The following BCL9L variants were observed in gnomAD, a reference collection of about 807,000 sequenced individuals.
The protein encoded by BCL9L is BCL9 like, also known as B-cell CLL/lymphoma 9-like protein.
Under a neutral mutation model 99.4 loss-of-function variants are expected in BCL9L, and 19 were observed. The ratio of observed to expected loss-of-function variants is 0.19; its 90% CI spans 0.13 to 0.28. The LOEUF (loss-of-function observed/expected upper bound fraction) is 0.28. BCL9L is among the 10% of genes least tolerant of loss of function. BCL9L has a pLI of 1.00. For missense variants in BCL9L, 2,023 were observed against 2,101.6 expected, an observed-to-expected ratio of 0.96 and a Z score of 0.73; for synonymous variants, 900 against 854.8, an observed-to-expected ratio of 1.05 and a Z score of -0.92.
rs1439972133 is a variant in BCL9L, at chr11:118,921,938, A to G, written c.-130-3059T>C. On this transcript the variant is annotated intron_variant, in intron 1 of 9. Transcript: ENST00000683865. This position sits in a 1 kb window ranked among gnomAD's most constrained non-coding sequence, Gnocchi z 5.4. Reference sequence around the variant, plus strand: ...CCTGCAGGAGTCAGGGGTCTTCCACAGGTTCCAGGACCCCCCACACTCAGA... The same window carrying G: ...CCTGCAGGAGTCAGGGGTCTTCCACGGGTTCCAGGACCCCCCACACTCAGA... 1.3e-5 allele frequency among the ~76,000 whole-genome samples: 2 copies of G among 152,148 alleles called. No homozygotes were observed. Among genetic ancestry groups the G allele is most frequent in the Non-Finnish European group, 2.9e-5 (2 of 68,008 alleles).
rs1042771224 is a variant in BCL9L at position 118,907,369 on chromosome 11, G to A, written c.532+114C>T. On this transcript the variant is annotated intron_variant, in intron 5 of 9. Transcript: ENST00000683865. Reference sequence around the variant, plus strand: ...GGGACAGAGTCTGAGAGGTAGGATGGGAGAGAAAAATCCAGGACTCCCAGT... The same window carrying A: ...GGGACAGAGTCTGAGAGGTAGGATGAGAGAGAAAAATCCAGGACTCCCAGT... 5.8e-6 allele frequency: 9 copies of A among 1,543,278 alleles called. No homozygotes were observed. The East Asian group carries it at 6.8e-5, about 12-fold the overall frequency.
rs1263624191 is a variant in BCL9L at position 118,902,655 on chromosome 11, T to C, written c.1088A>G (p.Asn363Ser). 4.4e-6 allele frequency: 7 copies of C among 1,596,736 alleles called. No individual in the cohort carries two copies. Among genetic ancestry groups the C allele is most frequent in the Non-Finnish European group, 5.9e-6 (7 of 1,179,036 alleles). ...PNTPTATTAN[N>S]PLPPGGDPSS... ...GGGGTCTCCTCCAGGAGGCAGAGGG[T>C]TGTTGGCGGTGGTAGCCGTCGGGGT... Residue 363 changes from asparagine (N) to serine (S), a missense_variant, in exon 8 of 10, where the codon AAC (asparagine) becomes AGC (serine). Around this residue, in one of 3 missense-constraint regions of BCL9L, gnomAD observed 1,116 missense variants for 1,194.6 expected, o/e 0.93. Transcript: ENST00000683865. The surrounding 1 kb of genome is among the most constrained non-coding windows in gnomAD (Gnocchi z 7.8).
intron 2 of BCL9L, among the ~76,000 whole-genome samples, chr11:118,912,135 C>T (rs570741572): frequency 7.9e-5 from 12 of 152,292 alleles, no homozygotes; most frequent in African/African-American, 2.6e-4. Context: ...CCCCAGCTCC[C>T]GAAGACCCCT....
rs1316355284 is a variant in BCL9L at position 118,914,991 on chromosome 11, C to G, written c.-77+3835G>C. 6.6e-6 allele frequency among the ~76,000 whole-genome samples: 1 copy of G among 152,162 alleles called. No individual in the cohort carries two copies. The highest frequency in any genetic ancestry group is 1.5e-5 in the Non-Finnish European group (1 of 68,030). Reference sequence around the variant, plus strand: ...TCTCTACTACAAACACAAAAATTATCCAGACATGGTGGTGGGCGCCTGTAA... The same window carrying G: ...TCTCTACTACAAACACAAAAATTATGCAGACATGGTGGTGGGCGCCTGTAA... On this transcript the variant is annotated intron_variant, in intron 2 of 9. Coordinates refer to ENST00000683865, the MANE Select transcript of BCL9L (RefSeq NM_001378213.1). The surrounding 1 kb of genome is among the most constrained non-coding windows in gnomAD (Gnocchi z 4.4).
chr11:118,899,192 G>C lies in BCL9L; in HGVS notation c.3723C>G (p.Pro1241=). Residue 1241 remains proline, a synonymous_variant, in exon 10 of 10, where the codon CCC becomes CCG. Coordinates refer to ENST00000683865, the MANE Select transcript of BCL9L (RefSeq NM_001378213.1). ...RLQQPHGAMA[P]TGGGGGGPGL... is the part of the protein sequence containing the mutation. ...CAGGCCCCCCGCCCCCACCCCCAGTGGGGGCCATGGCACCATGGGGCTGCT... is the reference window on the plus strand; with the variant it reads ...CAGGCCCCCCGCCCCCACCCCCAGTCGGGGCCATGGCACCATGGGGCTGCT... 6.7e-7 allele frequency: 1 copy of C among 1,493,680 alleles called. No individual in the cohort carries two copies. The highest frequency in any genetic ancestry group is 8.9e-7 in the Non-Finnish European group (1 of 1,120,724). 92.5% of individuals were successfully genotyped at this position (1,493,680 alleles called of 1,614,324 possible).
chr11:118,900,876 T>C lies in BCL9L; in HGVS notation c.2867A>G (p.Gln956Arg). ...TSPSANLKSP[Q>R]TPSQMVPLPS... ...CAAGGGCACCATCTGTGAGGGAGTCTGGGGTGACTTGAGGTTGGCAGAGGG... is the reference window on the plus strand; with the variant it reads ...CAAGGGCACCATCTGTGAGGGAGTCCGGGGTGACTTGAGGTTGGCAGAGGG... Residue 956 changes from glutamine (Q) to arginine (R), a missense_variant, in exon 8 of 10, where the codon CAG becomes CGG. Transcript: ENST00000683865. This position sits in a 1 kb window ranked among gnomAD's most constrained non-coding sequence, Gnocchi z 5.3. 1.9e-6 allele frequency: 3 copies of C among 1,604,992 alleles called. No homozygotes were observed. The highest frequency in any genetic ancestry group is 1.3e-5 in the African/African-American group (1 of 74,854).
Position 118,902,946 on chromosome 11 carries a change from G to A in BCL9L, c.835-38C>T, listed in dbSNP as rs951675315. 1.3e-6 allele frequency: 2 copies of A among 1,595,216 alleles called. No individual in the cohort carries two copies. The highest frequency in any genetic ancestry group is 2.2e-5 in the South Asian group (2 of 89,940). On this transcript the variant is annotated intron_variant, in intron 7 of 9. Coordinates refer to ENST00000683865, the MANE Select transcript of BCL9L (RefSeq NM_001378213.1). The surrounding 1 kb of genome is among the most constrained non-coding windows in gnomAD (Gnocchi z 7.8). ...AAAGAGAGCATGAGACAGGTAAGGG[G>A]ACGTTCCACCCAGTCCTGCTGCTCA...
rs75242467 is a variant in BCL9L at position 118,924,601 on chromosome 11, C to A, written c.-131+637G>T. On this transcript the variant is annotated intron_variant, in intron 1 of 9. Coordinates refer to ENST00000683865, the MANE Select transcript of BCL9L (RefSeq NM_001378213.1). ...CGCAACAAGAAGCCTAAGCTCACTT[C>A]TCTTCCTACATTCTTCCCCGAGGGT... 5.9e-3 allele frequency among the ~76,000 whole-genome samples: 893 copies of A among 152,322 alleles called. 8 individuals are homozygous for A. Among genetic ancestry groups the A allele is most frequent in the African/African-American group, 0.02 (825 of 41,574 alleles).
rs779204239 is a variant in BCL9L at position 118,902,090 on chromosome 11, G to A, written c.1653C>T (p.Gly551=). Residue 551 remains glycine, a synonymous_variant, in exon 8 of 10, where the codon GGC becomes GGT. Transcript: ENST00000683865. This position sits in a 1 kb window ranked among gnomAD's most constrained non-coding sequence, Gnocchi z 7.8. ...HGSRPLQDMM[G]MGGMMVRGPP... ...GCCCCCTCACCATCATGCCCCCCAT[G>A]CCCATCATGTCCTGCAGAGGACGGC... 1 of 1,613,932 alleles carries A rather than the reference G, an allele frequency of 6.2e-7. No individual in the cohort carries two copies. The highest frequency in any genetic ancestry group is 8.5e-7 in the Non-Finnish European group (1 of 1,180,002).
At chr11:118,906,245 T>G (rs1409535011) in intron 5 of BCL9L, among the ~76,000 whole-genome samples, 1 of 152,200 alleles carries the variant, frequency 6.6e-6, no homozygotes, top group Non-Finnish European at 1.5e-5. Flanking sequence ...TGCAGTCTGA[T>G]GTGACATAAG....
chr11:118,920,353 G>A (rs1941103027), intron 1 of BCL9L, among the ~76,000 whole-genome samples: 1 of 152,150 alleles, frequency 6.6e-6, no homozygotes, highest in Non-Finnish European at 1.5e-5. Flanking sequence ...GAGGGAATGA[G>A]ATTAAACATC....
chr11:118,907,646 C>T, intron 4 of BCL9L, 44 bp from the exon 5 acceptor site: 3 of 1,602,322 alleles, frequency 1.9e-6, no homozygotes, highest in Non-Finnish European at 2.5e-6. Flanking sequence ...CTAGAGGCCC[C>T]ATTATTCTCC....
At position 118,896,294 on chromosome 11, in the gene BCL9L, T is replaced by G. The variant is rs559739639; in HGVS notation, c.*2121A>C. On this transcript the variant is annotated 3_prime_UTR_variant, in exon 10 of 10. Coordinates refer to ENST00000683865, the MANE Select transcript of BCL9L (RefSeq NM_001378213.1). ...GTATTTATATATTTATATTTATATA[T>G]ATATTTATATAATGGTACAAAATGG... 6.2e-6 allele frequency: 1 copy of G among 161,394 alleles called. No individual in the cohort carries two copies. Among genetic ancestry groups the G allele is most frequent in the African/African-American group, 2.4e-5 (1 of 41,188 alleles). The allele number at this position is 161,394 out of a possible 1,614,324, so 10.0% of individuals were successfully genotyped here.
In BCL9L at chr11:118,914,274, T is replaced by C. The variant is rs1024579615; in HGVS notation, c.-76-4259A>G. ...GGGGGGTAGGGGTGGCCGAGGAACC[T>C]CCTCCAAACTGCCTGGCTGCTGGGA... On this transcript the variant is annotated intron_variant, in intron 2 of 9. Coordinates refer to ENST00000683865, the MANE Select transcript of BCL9L (RefSeq NM_001378213.1). This position sits in a 1 kb window ranked among gnomAD's most constrained non-coding sequence, Gnocchi z 4.4. Among the ~76,000 whole-genome samples, 1 of 152,070 alleles carries C rather than the reference T, an allele frequency of 6.6e-6. No individual in the cohort carries two copies. Among genetic ancestry groups the C allele is most frequent in the Admixed American group, 6.5e-5 (1 of 15,278 alleles).
rs1940171938 is a variant in BCL9L, at chr11:118,900,533, T to C, written c.3124+86A>G. ...TCTGGGCCCGTGGTACACAGGCCCT[T>C]ACTCACTCACTGCCCAGCCCCAGCA... On this transcript the variant is annotated intron_variant, in intron 8 of 9. Transcript: ENST00000683865. The surrounding 1 kb of genome is among the most constrained non-coding windows in gnomAD (Gnocchi z 5.3). The C allele has an allele frequency of 2.0e-6, 3 of 1,515,564 alleles. No homozygotes were observed. Among genetic ancestry groups the C allele is most frequent in the Non-Finnish European group, 8.8e-7 (1 of 1,137,410 alleles). 93.9% of individuals were successfully genotyped at this position (1,515,564 alleles called of 1,614,324 possible).
In BCL9L at chr11:118,899,078, G is replaced by C; in HGVS notation, c.3837C>G (p.His1279Gln). 6.2e-7 allele frequency: 1 copy of C among 1,605,900 alleles called. No homozygotes were observed. The highest frequency in any genetic ancestry group is 8.5e-7 in the Non-Finnish European group (1 of 1,176,620). Residue 1279 changes from histidine to glutamine, a missense_variant, in exon 10 of 10, where the codon CAC becomes CAG. His to Gln is a conservative substitution (Grantham distance 24). Coordinates refer to ENST00000683865, the MANE Select transcript of BCL9L (RefSeq NM_001378213.1). ...QPPGPMPPQQ[H>Q]LMGKAMAGRM... ...GCCCAGCCATGGCTTTGCCCATCAG[G>C]TGCTGCTGGGGAGGCATGGGGCCTG...
Position 118,903,496 on chromosome 11 carries a change from C to T in BCL9L, c.533-44G>A, listed in dbSNP as rs1940381399. The stretch of plus-strand genomic sequence containing the variant: ...GGAAAGGGGCTAAGTGGTCTAGATA[C>T]AAGAAGGACCAGCTGATGCCCCCTC... On this transcript the variant is annotated intron_variant, in intron 5 of 9. Transcript: ENST00000683865. The surrounding 1 kb of genome is among the most constrained non-coding windows in gnomAD (Gnocchi z 5.6). 6.3e-7 allele frequency: 1 copy of T among 1,590,222 alleles called. No individual in the cohort carries two copies. Among genetic ancestry groups the T allele is most frequent in the East Asian group, 2.2e-5 (1 of 44,508 alleles).
rs907984034 is a variant in BCL9L at position 118,908,655 on chromosome 11, C to G, written c.27G>C (p.Arg9Ser). ...CTTCTCTCCTCCTGGGGTGGGGTAA[C>G]CTGGGAGGAGGTGGGAGAAATGTGA... MRILANKTRLPHPRRREAP... is the reference protein window; with the variant it reads MRILANKTSLPHPRRREAP... Residue 9 changes from arginine to serine, a missense_variant and splice_region_variant, in exon 4 of 10, where the codon AGG becomes AGC. By Grantham distance (110) the Arg-to-Ser change is moderately radical (BLOSUM62 -1). Transcript: ENST00000683865. 1 of 1,605,318 alleles carries G rather than the reference C, an allele frequency of 6.2e-7. No individual in the cohort carries two copies. The highest frequency in any genetic ancestry group is 1.3e-5 in the African/African-American group (1 of 74,724).
intron 2 of BCL9L, 169 bp from the exon 3 acceptor site, chr11:118,910,184 T>A (rs1940719078): frequency 1.8e-6 from 1 of 563,154 alleles, no homozygotes; most frequent in African/African-American, 1.9e-5. Context: ...AGGCCAGCCC[T>A]GTCCCCATCC....
Sources: gnomAD v4.1 joint callset for allele counts (sites outside exome capture counted in the v4.1 genomes callset) on GRCh38, gnomAD v4.1.1 for gene constraint, gnomAD v4.1.1 regional missense constraint, Gnocchi (gnomAD v3.1) non-coding constraint, MANE v1.5 for transcripts, NCBI Gene and HGNC (gene_info 2026-07-23, HGNC 2026-07-21) for gene names.